The following RPS6KB1 variants were observed in gnomAD, a reference collection of about 807,000 sequenced individuals.
RPS6KB1 encodes ribosomal protein S6 kinase beta-1.
A neutral mutation model predicts 70.2 loss-of-function variants in RPS6KB1; 12 were observed. The observed-to-expected ratio is 0.17, with a 90% confidence interval of 0.11 to 0.28. The LOEUF is 0.28. Among genes scored for constraint, RPS6KB1 ranks in the 10% least tolerant of loss-of-function variants. RPS6KB1 has a pLI of 1.00. For missense variants in RPS6KB1, 270 were observed against 646.6 expected (o/e 0.42, Z 6.32); for synonymous variants, 175 against 211.2 (o/e 0.83, Z 1.49).
rs368547891 is a variant in RPS6KB1, at chr17:59,945,048, C to T, written c.1228-358C>T. ...AACTCCTGACCTCAGGTGGTCTGCC[C>T]GCCTTGGCCTCCCAAAGTGCTGGGA... On this transcript the variant is annotated intron_variant, in intron 13 of 14. Coordinates refer to ENST00000225577, the MANE Select transcript of RPS6KB1 (RefSeq NM_003161.4). The T allele has an allele frequency of 2.2e-3, 359 of 163,634 alleles. 2 individuals are homozygous for T. Among genetic ancestry groups the T allele is most frequent in the Non-Finnish European group, 3.0e-3 (225 of 75,118 alleles). The allele number at this position is 163,634 out of a possible 1,614,324, so 10.1% of individuals were successfully genotyped here. A position where few individuals can be genotyped will look rare whatever the true frequency, so the allele number is the denominator to read the frequency against.
At chr17:59,908,714 G>A (rs2042417772) in intron 1 of RPS6KB1, among the ~76,000 whole-genome samples, 1 of 141,742 alleles carries the variant, frequency 7.1e-6, no homozygotes, top group Non-Finnish European at 1.5e-5. Context: ...CGCCTCCCGG[G>A]TTCACGCCAT....
chr17:59,915,773 A>ATGT lies in RPS6KB1; in HGVS notation c.381+1071_381+1072insGTT, dbSNP rs1157185738. On this transcript the variant is annotated intron_variant, in intron 4 of 14. Coordinates refer to ENST00000225577, the MANE Select transcript of RPS6KB1 (RefSeq NM_003161.4). ...GAGCCACTGCGCCTGGCCTACTGCT[A>ATGT]TCTTTTTTTTTTTTTTTTTTTTTTT... Among the ~76,000 whole-genome samples, 465 of 86,200 alleles carry ATGT rather than the reference A, an allele frequency of 5.4e-3. 10 individuals carry two copies. Among genetic ancestry groups the ATGT allele is most frequent in the African/African-American group, 0.03 (450 of 14,848 alleles). 56.6% of individuals were successfully genotyped at this position (86,200 alleles called of 152,430 possible). A position where few individuals can be genotyped will look rare whatever the true frequency, so the allele number is the denominator to read the frequency against.
intron 5 of RPS6KB1, among the ~76,000 whole-genome samples, chr17:59,927,552 G>C (rs965691320): frequency 1.3e-5 from 2 of 151,016 alleles, no homozygotes; most frequent in African/African-American, 4.9e-5. Flanking sequence ...TCTCTCCCAG[G>C]CTGGAGTGCA....
At chr17:59,918,562 G>A (rs775443173) in intron 4 of RPS6KB1, among the ~76,000 whole-genome samples, 1 of 151,740 alleles carries the variant, frequency 6.6e-6, no homozygotes, top group Non-Finnish European at 1.5e-5. Flanking sequence ...CAGATATCGG[G>A]TTTCATCATG....
rs1368760956 is a variant in RPS6KB1 at position 59,910,762 on chromosome 17, A to T, written c.191+151A>T. On this transcript the variant is annotated intron_variant, in intron 2 of 14. Transcript: ENST00000225577. ...TCGATGTATTGAATTTGGCACCAAAATCTGATCAATATAACCTATCAGAGT... is the reference window on the plus strand; with the variant it reads ...TCGATGTATTGAATTTGGCACCAAATTCTGATCAATATAACCTATCAGAGT... 4.2e-5 allele frequency: 25 copies of T among 590,696 alleles called. No individual in the cohort carries two copies. The South Asian group carries it at 5.2e-4, about 12-fold the overall frequency. The allele number at this position is 590,696 out of a possible 1,614,324, so 36.6% of individuals were successfully genotyped here.
At position 59,914,634 on chromosome 17, in the gene RPS6KB1, G is replaced by C; in HGVS notation, c.313-1G>C. 6.2e-7 allele frequency: 1 copy of C among 1,610,950 alleles called. No homozygotes were observed. The highest frequency in any genetic ancestry group is 8.5e-7 in the Non-Finnish European group (1 of 1,178,638). On this transcript the variant is annotated splice_acceptor_variant, in intron 3 of 14. Coordinates refer to ENST00000225577, the MANE Select transcript of RPS6KB1 (RefSeq NM_003161.4). LOFTEE classifies it high-confidence loss of function. Reference sequence around the variant, plus strand: ...ATAACACACACTTTTTTTTAATCCAGGTTTTTCAAGTACGAAAAGTAACAG... The same window carrying C: ...ATAACACACACTTTTTTTTAATCCACGTTTTTCAAGTACGAAAAGTAACAG...
In RPS6KB1 at chr17:59,893,959, C is replaced by T; in HGVS notation, c.141+634C>T. On this transcript the variant is annotated intron_variant, in intron 1 of 14. Transcript: ENST00000225577. This position sits in a 1 kb window ranked among gnomAD's most constrained non-coding sequence, Gnocchi z 4.1. ...TTTGCTTTTTTTTTTTTACCCCCTT[C>T]CGTGTGACTTTTTAAAATAAGCATT... The T allele has an allele frequency of 1.0e-6, 1 of 980,590 alleles. No individual in the cohort carries two copies. Among genetic ancestry groups the T allele is most frequent in the Non-Finnish European group, 1.2e-6 (1 of 826,740 alleles). The allele number at this position is 980,590 out of a possible 1,614,324, so 60.7% of individuals were successfully genotyped here.
intron 2 of RPS6KB1, chr17:59,912,395 G>A (rs2042699675): frequency 3.6e-6 from 1 of 280,670 alleles, no homozygotes; most frequent in African/African-American, 2.2e-5. Context: ...ATTATCCAAG[G>A]CATCTACCCA....
Position 59,947,639 on chromosome 17 carries a change from T to C in RPS6KB1, c.*851T>C, listed in dbSNP as rs1367900624. ...AGCCTTGGAATGGGCATAAGTTGTATGTCCTACATTTCATCATTGTCCCGG... is the reference window on the plus strand; with the variant it reads ...AGCCTTGGAATGGGCATAAGTTGTACGTCCTACATTTCATCATTGTCCCGG... On this transcript the variant is annotated 3_prime_UTR_variant, in exon 15 of 15. Transcript: ENST00000225577. 4 of 1,115,364 alleles carry C rather than the reference T, an allele frequency of 3.6e-6. No homozygotes were observed. In the East Asian group the frequency reaches 1.0e-4, roughly 28 times the overall value. 69.1% of individuals were successfully genotyped at this position (1,115,364 alleles called of 1,614,324 possible). A position where few individuals can be genotyped will look rare whatever the true frequency, so the allele number is the denominator to read the frequency against.
At chr17:59,935,725 C>T (rs532143127) in intron 10 of RPS6KB1, among the ~76,000 whole-genome samples, 5 of 151,878 alleles carry the variant, frequency 3.3e-5, no homozygotes, top group Admixed American at 2.6e-4. Flanking sequence ...TCCACCTGCC[C>T]TGGCCTCCCA....
intron 1 of RPS6KB1, among the ~76,000 whole-genome samples, chr17:59,900,171 A>ACAC (rs2041825803): frequency 2.4e-4 from 25 of 102,494 alleles, no homozygotes; most frequent in African/African-American, 8.3e-4. Flanking sequence ...CTAATTGCTA[A>ACAC]ACACACACAC....
At chr17:59,912,863 C>T in intron 3 of RPS6KB1, 59 bp downstream of exon 3, 2 of 1,563,218 alleles carry the variant, frequency 1.3e-6, no homozygotes, top group Non-Finnish European at 1.8e-6. Flanking sequence ...GATTTTTATG[C>T]CCTGGTTCCA....
At chr17:59,918,432 C>T (rs959130615) in intron 4 of RPS6KB1, among the ~76,000 whole-genome samples, 1 of 151,592 alleles carries the variant, frequency 6.6e-6, no homozygotes, top group African/African-American at 2.4e-5. Flanking sequence ...TGCAGTGGTG[C>T]GATCTTGGCT....
intron 1 of RPS6KB1, among the ~76,000 whole-genome samples, chr17:59,901,511 T>C (rs1244470761): frequency 6.8e-6 from 1 of 147,782 alleles, no homozygotes; most frequent in African/African-American, 2.5e-5. Flanking sequence ...ATTTTGGGGC[T>C]GGGCATGGTG....
chr17:59,945,360 T>A (rs760495512), intron 13 of RPS6KB1, 46 bp from the exon 14 acceptor site: 4 of 1,022,466 alleles, frequency 3.9e-6, no homozygotes, highest in Non-Finnish European at 6.1e-6. Context: ...TCTCTTGAGA[T>A]ACATGACAAA....
At position 59,943,982 on chromosome 17, in the gene RPS6KB1, A is replaced by G. The variant is rs868303746; in HGVS notation, c.1228-1424A>G. Reference sequence around the variant, plus strand: ...CCACTTATCTGGATAATGTGGTTCTAGCAACCTCATTTCAACAAATATTTT... The same window carrying G: ...CCACTTATCTGGATAATGTGGTTCTGGCAACCTCATTTCAACAAATATTTT... On this transcript the variant is annotated intron_variant, in intron 13 of 14. Transcript: ENST00000225577. 7.3e-5 allele frequency among the ~76,000 whole-genome samples: 11 copies of G among 151,596 alleles called. No individual in the cohort carries two copies. The South Asian group carries it at 2.1e-3, about 29-fold the overall frequency.
intron 1 of RPS6KB1, among the ~76,000 whole-genome samples, chr17:59,903,732 TC>T (rs1366643076): frequency 6.6e-6 from 1 of 152,160 alleles, no homozygotes; most frequent in African/African-American, 2.4e-5. Flanking sequence ...TCATCTATTA[TC>T]CTAGTGGGTG....
chr17:59,945,570 A>ACACTATAT, intron 14 of RPS6KB1, 52 bp downstream of exon 14: 1 of 959,526 alleles, frequency 1.0e-6, no homozygotes, highest in Non-Finnish European at 1.7e-6. Flanking sequence ...AACCTACAAG[A>ACACTATAT]GTGTTTGCTT....
At chr17:59,895,936 G>A (rs1185693516) in intron 1 of RPS6KB1, among the ~76,000 whole-genome samples, 3 of 152,178 alleles carry the variant, frequency 2.0e-5, no homozygotes, top group Non-Finnish European at 4.4e-5. Context: ...TCCGGTTGGT[G>A]TGTGCTTTTT....
Sources: allele counts gnomAD v4.1 joint callset (sites outside exome capture counted in the v4.1 genomes callset), GRCh38; gene constraint gnomAD v4.1.1; non-coding constraint Gnocchi (gnomAD v3.1); transcripts MANE v1.5; gene names NCBI Gene and HGNC (gene_info 2026-07-23, HGNC 2026-07-21).